The following STK33 variants were observed in gnomAD, a reference collection of about 807,000 sequenced individuals.
The protein encoded by STK33 is serine/threonine kinase 33.
Under a neutral mutation model 58.0 loss-of-function variants are expected in STK33, and 52 were observed. That is an observed-to-expected ratio of 0.90 (90% CI 0.72 to 1.13). The LOEUF (loss-of-function observed/expected upper bound fraction) is 1.13, where lower values mean the gene tolerates loss of function less well. Ranked by LOEUF, STK33 falls within the 50% of genes most tolerant of loss-of-function variation. The probability of loss-of-function intolerance (pLI) is 0.00; values close to 1 mark genes in which losing one functional copy is unlikely to be tolerated. For missense variants in STK33, 630 were observed against 604.2 expected, an observed-to-expected ratio of 1.04 and a Z score of -0.45; for synonymous variants, 215 against 200.1, an observed-to-expected ratio of 1.07 and a Z score of -0.63.
intron 1 of STK33, chr11:8,533,341 T>C (rs1197376874): frequency 2.0e-5 from 3 of 152,238 alleles, no homozygotes; most frequent in African/African-American, 7.2e-5. Flanking sequence ...GTGTACATGT[T>C]TGTTACCTTA....
chr11:8,591,233 G>T, intron 1 of STK33, among the ~76,000 whole-genome samples: 1 of 152,100 alleles, frequency 6.6e-6, no homozygotes, highest in East Asian at 1.9e-4. Flanking sequence ...GAAGACACGA[G>T]TACCCACCTT....
At chr11:8,540,741 G>A (rs2140326522) in intron 1 of STK33, among the ~76,000 whole-genome samples, 1 of 152,184 alleles carries the variant, frequency 6.6e-6, no homozygotes, top group Middle Eastern at 3.4e-3. Flanking sequence ...GGATGGGCAG[G>A]GGGCGGGAGA....
At chr11:8,383,681 A>C in the STK33 span, among the ~76,000 whole-genome samples, 1 of 152,242 alleles carries the variant, frequency 6.6e-6, no homozygotes, top group South Asian at 2.1e-4. Context: ...AGATTTGGCC[A>C]CATCTCCCAG....
chr11:8,383,529 G>T, the STK33 span, among the ~76,000 whole-genome samples: 2 of 152,202 alleles, frequency 1.3e-5, no homozygotes, highest in Non-Finnish European at 1.5e-5. Context: ...GACAGTCCAG[G>T]ATTCTGCAAA....
chr11:8,434,614 G>C (rs570315067), intron 14 of STK33, among the ~76,000 whole-genome samples: 458 of 14,764 alleles, frequency 0.031, 1 homozygote, highest in Admixed American at 0.07. Flanking sequence ...TCACATGGCA[G>C]CTCTGTGAGC....
At chr11:8,412,803 C>T (rs1940495487) in intron 15 of STK33, among the ~76,000 whole-genome samples, 1 of 148,578 alleles carries the variant, frequency 6.7e-6, no homozygotes, top group Non-Finnish European at 1.5e-5. Flanking sequence ...AATTCAGAAA[C>T]AAACAAGGAA....
At chr11:8,495,658 T>C (rs886671104) in intron 1 of STK33, among the ~76,000 whole-genome samples, 9 of 152,196 alleles carry the variant, frequency 5.9e-5, no homozygotes, top group Non-Finnish European at 8.8e-5. Flanking sequence ...TGTATATTTA[T>C]TGTGGCACTA....
At chr11:8,539,300 G>T (rs1955309589) in intron 1 of STK33, among the ~76,000 whole-genome samples, 1 of 152,162 alleles carries the variant, frequency 6.6e-6, no homozygotes, top group Admixed American at 6.5e-5. Flanking sequence ...TTCTCTAGGG[G>T]CTTAAAGGCA....
intron 9 of STK33, among the ~76,000 whole-genome samples, chr11:8,455,766 G>C (rs889854759): frequency 7.4e-6 from 1 of 135,680 alleles, no homozygotes; most frequent in African/African-American, 2.7e-5. Context: ...AGCCGAGATC[G>C]TGTCACTGCA....
At chr11:8,532,334 T>C (rs962593963) in intron 1 of STK33, among the ~76,000 whole-genome samples, 32 of 152,234 alleles carry the variant, frequency 2.1e-4, no homozygotes, top group African/African-American at 7.7e-4. Flanking sequence ...TTGGAATACA[T>C]ACAGGTTTAT....
chr11:8,587,137 T>C (rs1047158140), intron 1 of STK33, among the ~76,000 whole-genome samples: 2 of 152,176 alleles, frequency 1.3e-5, no homozygotes, highest in Non-Finnish European at 2.9e-5. Context: ...AAAAGAGCTA[T>C]AACAGATTCA....
chr11:8,369,972 G>A, the STK33 span, among the ~76,000 whole-genome samples: 15 of 152,338 alleles, frequency 9.8e-5, no homozygotes, highest in African/African-American at 3.4e-4. Context: ...GGATGCCAGA[G>A]AGAGGCAGTT....
At chr11:8,475,846 C>G (rs957316148) in intron 4 of STK33, 2 of 152,104 alleles carry the variant, frequency 1.3e-5, no homozygotes, top group Non-Finnish European at 2.9e-5. Flanking sequence ...TATGCTATAC[C>G]ATTTCAGACA....
intron 1 of STK33, among the ~76,000 whole-genome samples, chr11:8,511,624 T>C (rs1475136769): frequency 6.6e-6 from 1 of 152,208 alleles, no homozygotes; most frequent in Non-Finnish European, 1.5e-5. Flanking sequence ...TTGTCATAGT[T>C]GGCTTTTATT....
chr11:8,399,433 C>G (rs1393842906), intron 15 of STK33, among the ~76,000 whole-genome samples: 1 of 152,118 alleles, frequency 6.6e-6, no homozygotes, highest in Non-Finnish European at 1.5e-5. Flanking sequence ...AACAAAGACA[C>G]AATATACCAG....
chr11:8,391,092 G>C (rs1017625547), downstream of STK33, among the ~76,000 whole-genome samples: 2 of 152,140 alleles, frequency 1.3e-5, no homozygotes, highest in African/African-American at 4.8e-5. Context: ...TACTAGGGAA[G>C]GGAAGGCTCC....
At chr11:8,415,143 A>C (rs1427440317) in intron 14 of STK33, among the ~76,000 whole-genome samples, 1 of 152,064 alleles carries the variant, frequency 6.6e-6, no homozygotes, top group Non-Finnish European at 1.5e-5. Flanking sequence ...ATCAGTGACC[A>C]GGGTCCTGGA....
chr11:8,508,901 G>C (rs1256029850), intron 1 of STK33, among the ~76,000 whole-genome samples: 2 of 152,132 alleles, frequency 1.3e-5, no homozygotes, highest in African/African-American at 2.4e-5. Context: ...CAGATCACCT[G>C]AGATCGAGAG....
At chr11:8,548,505 T>C (rs971091792) in intron 1 of STK33, among the ~76,000 whole-genome samples, 2 of 152,204 alleles carry the variant, frequency 1.3e-5, no homozygotes, top group South Asian at 2.1e-4. Context: ...GTTCTGGTTA[T>C]TATGACTTTG....
Sources: gnomAD v4.1 joint callset for allele counts (sites outside exome capture counted in the v4.1 genomes callset) on GRCh38, gnomAD v4.1.1 for gene constraint, MANE v1.5 for transcripts, NCBI Gene and HGNC (gene_info 2026-07-23, HGNC 2026-07-21) for gene names.